The following PLOD1 variants were observed in gnomAD, a reference collection of about 807,000 sequenced individuals.
PLOD1 encodes lysine hydroxylase.
A neutral mutation model predicts 94.7 loss-of-function variants in PLOD1; 70 were observed. The ratio of observed to expected loss-of-function variants is 0.74; its 90% CI spans 0.61 to 0.90. The LOEUF is 0.90. Ranked by LOEUF, PLOD1 falls within the 40% of genes least tolerant of loss-of-function variation. The pLI is 0.00. For missense variants in PLOD1, 905 were observed against 972.7 expected (o/e 0.93, Z 0.93); for synonymous variants, 417 against 400.2 (o/e 1.04, Z -0.50).
rs1557495589 is a variant in PLOD1, at chr1:11,963,798, CTCCTCCTCTTCCTCT to C, written c.1202+177_1202+191del. On this transcript the variant is annotated intron_variant, in intron 11 of 18. Transcript: ENST00000196061. The surrounding 1 kb of genome is among the most constrained non-coding windows in gnomAD (Gnocchi z 4.3). Reference sequence around the variant, plus strand: ...CCTCCTCGTCTTCCTCCTTGTCTTCCTCCTCCTCTTCCTCTTCCTCCTCTTCCTCCTTTTTCCTCC... The same window carrying C: ...CCTCCTCGTCTTCCTCCTTGTCTTCCTCCTCCTCTTCCTCCTTTTTCCTCC... 6.6e-6 allele frequency among the ~76,000 whole-genome samples: 1 copy of C among 151,710 alleles called. No homozygotes were observed. The highest frequency in any genetic ancestry group is 1.5e-5 in the Non-Finnish European group (1 of 67,908).
At position 11,967,053 on chromosome 1, in the gene PLOD1, A is replaced by G. The variant is rs1284983467; in HGVS notation, c.1717A>G (p.Met573Val). 2 of 1,613,764 alleles carry G rather than the reference A, an allele frequency of 1.2e-6. No individual in the cohort carries two copies. Among genetic ancestry groups the G allele is most frequent in the Admixed American group, 1.7e-5 (1 of 59,998 alleles). The stretch of plus-strand genomic sequence containing the variant: ...GGCCTGTGATGAGCTGGTGGAGGAG[A>G]TGGAGCACTTTGGCCAGTGGTCTCT... ...EVACDELVEE[M>V]EHFGQWSLGN... Residue 573 changes from methionine (M) to valine (V), a missense_variant, in exon 16 of 19, where the codon ATG becomes GTG. Transcript: ENST00000196061.
In PLOD1 at chr1:11,967,273, G is replaced by A. The variant is rs114546387; in HGVS notation, c.1755+182G>A. The stretch of plus-strand genomic sequence containing the variant: ...GAGGGATTGAGAAACCTGAGATGGA[G>A]TTTGGTCCCTGAGCTGCTGTTGCCA... On this transcript the variant is annotated intron_variant, in intron 16 of 18. Transcript: ENST00000196061. Among the ~76,000 whole-genome samples the A allele has an allele frequency of 0.028, 4,192 of 152,180 alleles. 194 individuals carry two copies. The highest frequency in any genetic ancestry group is 0.096 in the African/African-American group (3,988 of 41,494).
rs1645567086 is a variant in PLOD1 at position 11,934,861 on chromosome 1, G to A, written c.76+6G>A. On this transcript the variant is annotated splice_donor_region_variant and intron_variant, in intron 1 of 18. Transcript: ENST00000196061. Reference sequence around the variant, plus strand: ...GGGCGACGCCAAGCCGGAGGGTGAGGGAGCGAAGGCCGGGGGCGGGAGCGC... The same window carrying A: ...GGGCGACGCCAAGCCGGAGGGTGAGAGAGCGAAGGCCGGGGGCGGGAGCGC... 1 of 1,536,934 alleles carries A rather than the reference G, an allele frequency of 6.5e-7. No homozygotes were observed. The highest frequency in any genetic ancestry group is 8.7e-7 in the Non-Finnish European group (1 of 1,144,880).
chr1:11,973,223 G>A (rs919313633), intron 18 of PLOD1, among the ~76,000 whole-genome samples: 1 of 152,186 alleles, frequency 6.6e-6, no homozygotes, highest in South Asian at 2.1e-4. Flanking sequence ...TTTTGGGCTC[G>A]GCATGGTGGC....
In PLOD1 at chr1:11,973,063, G is replaced by C. The variant is rs3820190; in HGVS notation, c.2028+66G>C. On this transcript the variant is annotated intron_variant, in intron 18 of 18. Coordinates refer to ENST00000196061, the MANE Select transcript of PLOD1 (RefSeq NM_000302.4). ...GATGAGGAGGGCTAGCTGAGGAGAGGCTTCAGGGTGGTTGAGGCAGAGGGG... is the reference window on the plus strand; with the variant it reads ...GATGAGGAGGGCTAGCTGAGGAGAGCCTTCAGGGTGGTTGAGGCAGAGGGG... The C allele has an allele frequency of 0.5, 801,236 of 1,595,502 alleles. 208,355 individuals carry two copies. Among genetic ancestry groups the C allele is most frequent in the African/African-American group, 0.81 (60,013 of 74,450 alleles).
chr1:11,966,222 G>T (rs756988582), intron 14 of PLOD1, 29 bp from the exon 15 acceptor site: 2 of 1,562,056 alleles, frequency 1.3e-6, no homozygotes, highest in Non-Finnish European at 1.8e-6. Context: ...CAATGGTGAG[G>T]ACCCTAGCCT....
Position 11,957,868 on chromosome 1 carries a change from C to T in PLOD1, c.768C>T (p.Tyr256=). 2 of 1,614,102 alleles carry T rather than the reference C, an allele frequency of 1.2e-6. No homozygotes were observed. Among genetic ancestry groups the T allele is most frequent in the Non-Finnish European group, 1.7e-6 (2 of 1,179,928 alleles). The stretch of plus-strand genomic sequence containing the variant: ...TGCAGTTGAACTACCTGGGCAACTA[C>T]ATCCCGCGCTTCTGGACCTTCGAAA... ...TKLQLNYLGN[Y]IPRFWTFETG... The change falls in exon 8 of 19, where the codon TAC becomes TAT. Residue 256 remains tyrosine, a synonymous_variant. Transcript: ENST00000196061. The surrounding 1 kb of genome is among the most constrained non-coding windows in gnomAD (Gnocchi z 4.1).
chr1:11,944,273 T>C (rs899328168), intron 1 of PLOD1, among the ~76,000 whole-genome samples: 2 of 151,732 alleles, frequency 1.3e-5, no homozygotes, highest in African/African-American at 4.8e-5. Flanking sequence ...AAATGCTCGA[T>C]GAAGGTAAGC....
chr1:11,939,322 C>G (rs1451219869), intron 1 of PLOD1, among the ~76,000 whole-genome samples: 1 of 152,082 alleles, frequency 6.6e-6, no homozygotes. Context: ...AGACCCTGTT[C>G]CTGGCTTCAG....
intron 9 of PLOD1, among the ~76,000 whole-genome samples, chr1:11,959,583 C>T (rs1645763778): frequency 1.3e-5 from 2 of 150,578 alleles, no homozygotes; most frequent in Admixed American, 6.6e-5. Flanking sequence ...ACTGAGACTA[C>T]AGGCATGCGC....
In PLOD1 at chr1:11,960,778, G is replaced by A. The variant is rs1645772852; in HGVS notation, c.1097+11G>A. 3.7e-6 allele frequency: 6 copies of A among 1,612,420 alleles called. No individual in the cohort carries two copies. The South Asian group carries it at 5.5e-5, about 15-fold the overall frequency. On this transcript the variant is annotated intron_variant, in intron 10 of 18. Coordinates refer to ENST00000196061, the MANE Select transcript of PLOD1 (RefSeq NM_000302.4). ...CAGGAACATGGGCGCGTGAGTTGTG[G>A]GCCACAGTACTCTCCACTGACAGTG...
chr1:11,966,296 G>T lies in PLOD1; in HGVS notation c.1630G>T (p.Ala544Ser). The change falls in exon 15 of 19, where the codon GCA (alanine) becomes TCA (serine). Residue 544 changes from alanine to serine, a missense_variant. Ala to Ser is a moderately conservative substitution (Grantham distance 99). Transcript: ENST00000196061. ...YIHQNYTKAL[A>S]GKLVETPCPD... ...CCACCAGAACTACACCAAAGCCCTG[G>T]CAGGGAAGCTGGTGGAGACGGTAAG... The T allele has an allele frequency of 6.2e-7, 1 of 1,607,922 alleles. No homozygotes were observed. The highest frequency in any genetic ancestry group is 8.5e-7 in the Non-Finnish European group (1 of 1,177,236).
chr1:11,963,692 G>A lies in PLOD1; in HGVS notation c.1202+56G>A. The A allele has an allele frequency of 1.7e-6, 2 of 1,169,462 alleles. No homozygotes were observed. The highest frequency in any genetic ancestry group is 1.3e-6 in the Non-Finnish European group (1 of 795,852). 72.4% of individuals were successfully genotyped at this position (1,169,462 alleles called of 1,614,324 possible). On this transcript the variant is annotated intron_variant, in intron 11 of 18. Coordinates refer to ENST00000196061, the MANE Select transcript of PLOD1 (RefSeq NM_000302.4). The surrounding 1 kb of genome is among the most constrained non-coding windows in gnomAD (Gnocchi z 4.3). The stretch of plus-strand genomic sequence containing the variant: ...CTCAGGACTGGCCTGGTCCTGGGGT[G>A]GCAGCCCTCCTTGCCTTCCTCCTCC...
intron 1 of PLOD1, among the ~76,000 whole-genome samples, chr1:11,936,071 A>G (rs1286507879): frequency 2.0e-5 from 3 of 151,922 alleles, no homozygotes; most frequent in Admixed American, 2.0e-4. Context: ...TCAGGTGATC[A>G]GCCCACCTTG....
rs776520439 is a variant in PLOD1 at position 11,957,991 on chromosome 1, C to A, written c.843+48C>A. The A allele has an allele frequency of 8.3e-7, 1 of 1,207,088 alleles. No individual in the cohort carries two copies. The highest frequency in any genetic ancestry group is 1.2e-6 in the Non-Finnish European group (1 of 808,368). The allele number at this position is 1,207,088 out of a possible 1,614,324, so 74.8% of individuals were successfully genotyped here. ...GCCTGAGGGACACGGGGGGCTCAGT[C>A]CCCTGAGATGGCGAGATGGGTGATT... On this transcript the variant is annotated intron_variant, in intron 8 of 18. Coordinates refer to ENST00000196061, the MANE Select transcript of PLOD1 (RefSeq NM_000302.4). This position sits in a 1 kb window ranked among gnomAD's most constrained non-coding sequence, Gnocchi z 4.1.
At chr1:11,939,397 C>T (rs902283273) in intron 1 of PLOD1, among the ~76,000 whole-genome samples, 11 of 152,096 alleles carry the variant, frequency 7.2e-5, no homozygotes, top group Non-Finnish European at 1.2e-4. Flanking sequence ...CATTCATTCC[C>T]GCCTCCCCAG....
Position 11,954,872 on chromosome 1 carries a change from C to T in PLOD1, c.622C>T (p.Gln208Ter), listed in dbSNP as rs1557490038. 1.2e-6 allele frequency: 2 copies of T among 1,613,764 alleles called. No individual in the cohort carries two copies. The highest frequency in any genetic ancestry group is 1.7e-6 in the Non-Finnish European group (2 of 1,179,654). ...CCTGGACCACCGCTGCCGTATCTTC[C>T]AGAACCTGGATGGAGCCTTGGGTGA... Reference protein sequence around the residue: ...ITLDHRCRIFQNLDGALDEVV... With the variant: ...ITLDHRCRIF Residue 208 changes from glutamine to a stop codon, truncating the protein, a stop_gained, in exon 6 of 19, where the codon CAG (glutamine) becomes TAG (stop). Coordinates refer to ENST00000196061, the MANE Select transcript of PLOD1 (RefSeq NM_000302.4). LOFTEE classifies it high-confidence loss of function.
At chr1:11,945,533 A>G (rs1336157459) in intron 1 of PLOD1, among the ~76,000 whole-genome samples, 1 of 151,586 alleles carries the variant, frequency 6.6e-6, no homozygotes, top group Non-Finnish European at 1.5e-5. Flanking sequence ...GGTCCCTTGC[A>G]TGATCCCTTG....
chr1:11,964,433 T>C, intron 12 of PLOD1, 133 bp downstream of exon 12: 1 of 1,055,084 alleles, frequency 9.5e-7, no homozygotes, highest in Admixed American at 1.8e-5. Context: ...CAAGGAAGAC[T>C]TCAGTTAGAC....
Sources: allele counts gnomAD v4.1 joint callset (sites outside exome capture counted in the v4.1 genomes callset), GRCh38; gene constraint gnomAD v4.1.1; non-coding constraint Gnocchi (gnomAD v3.1); transcripts MANE v1.5; gene names NCBI Gene and HGNC (gene_info 2026-07-23, HGNC 2026-07-21).